Variants in SMARCA2 observed in about 807,000 individuals in gnomAD.
The protein encoded by SMARCA2 is SWI/SNF-related matrix-associated actin-dependent regulator of chromatin subfamily A member 2.
In SMARCA2, 61 loss-of-function variants were observed where a neutral mutation model predicts 199.8. That is an observed-to-expected ratio of 0.31 (90% CI 0.25 to 0.38). The LOEUF (loss-of-function observed/expected upper bound fraction) is 0.38, where lower values mean the gene tolerates loss of function less well. Ranked by LOEUF, SMARCA2 falls within the 10% of genes least tolerant of loss-of-function variation. SMARCA2 has a pLI of 1.00. For synonymous variants in SMARCA2, 935 were observed against 732.0 expected (o/e 1.28, Z -4.48); for missense variants, 1,344 against 2,012.2 (o/e 0.67, Z 6.35).
Position 2,170,450 on chromosome 9 carries a change from C to T in SMARCA2, c.4231C>T (p.Gln1411Ter), listed in dbSNP as rs752254761. Reference sequence around the variant, plus strand: ...CGTGGAGAAGGTGCCCAGTAATTCTCAGTTGGAAATAGAAGGAAACAGGTC... The same window carrying T: ...CGTGGAGAAGGTGCCCAGTAATTCTTAGTTGGAAATAGAAGGAAACAGGTC... ...CNVEKVPSNS[Q>*]LEIEGNSSGR... The change falls in exon 29 of 34, where the codon CAG (glutamine) becomes TAG (stop). Residue 1411 changes from glutamine to a stop codon, truncating the protein, a stop_gained. Transcript: ENST00000349721. LOFTEE classifies it high-confidence loss of function. This position sits in a 1 kb window ranked among gnomAD's most constrained non-coding sequence, Gnocchi z 4.7. The T allele has an allele frequency of 3.1e-6, 5 of 1,614,086 alleles. No individual in the cohort carries two copies. Among genetic ancestry groups the T allele is most frequent in the African/African-American group, 1.3e-5 (1 of 75,016 alleles).
intron 1 of SMARCA2, among the ~76,000 whole-genome samples, chr9:2,018,387 G>A (rs557694438): frequency 2.0e-5 from 3 of 152,176 alleles, no homozygotes; most frequent in African/African-American, 7.2e-5. Flanking sequence ...CCTGATGGAG[G>A]TTGGTGCTTT....
At chr9:2,081,787 C>G in intron 14 of SMARCA2, 45 bp from the exon 15 acceptor site, 1 of 1,575,018 alleles carries the variant, frequency 6.3e-7, no homozygotes, top group South Asian at 1.1e-5. Context: ...GGATTAATTA[C>G]CTGTGCAGAT....
intron 8 of SMARCA2, among the ~76,000 whole-genome samples, chr9:2,059,728 C>A (rs1820503043): frequency 6.6e-6 from 1 of 152,150 alleles, no homozygotes; most frequent in Admixed American, 6.5e-5. Context: ...TGCTCATCCA[C>A]AGGGCAGACG....
In SMARCA2 at chr9:2,110,105, T is replaced by C. The variant is rs981365585; in HGVS notation, c.3293-149T>C. 3 of 468,506 alleles carry C rather than the reference T, an allele frequency of 6.4e-6. No homozygotes were observed. Among genetic ancestry groups the C allele is most frequent in the African/African-American group, 2.0e-5 (1 of 50,074 alleles). The allele number at this position is 468,506 out of a possible 1,614,324, so 29.0% of individuals were successfully genotyped here. On this transcript the variant is annotated intron_variant, in intron 23 of 33. Coordinates refer to ENST00000349721, the MANE Select transcript of SMARCA2 (RefSeq NM_003070.5). The surrounding 1 kb of genome is among the most constrained non-coding windows in gnomAD (Gnocchi z 4.8). ...TAATTGCAAAATGTTCAAAGTTTTT[T>C]ATCCAGAAGTACAAAGCCCTGGAAA...
chr9:2,038,474 A>G (rs1340758921), intron 3 of SMARCA2, among the ~76,000 whole-genome samples: 1 of 152,124 alleles, frequency 6.6e-6, no homozygotes, highest in Non-Finnish European at 1.5e-5. Context: ...GTCCCTGGAG[A>G]ATAATAATCT....
intron 19 of SMARCA2, among the ~76,000 whole-genome samples, chr9:2,095,526 T>G (rs894835653): frequency 9.2e-5 from 14 of 152,212 alleles, no homozygotes; most frequent in African/African-American, 3.1e-4. Context: ...GCCAAGAAGG[T>G]CATTAAAGAC....
intron 29 of SMARCA2, among the ~76,000 whole-genome samples, chr9:2,177,906 A>C (rs1205664398): frequency 1.3e-5 from 2 of 152,234 alleles, no homozygotes; most frequent in Non-Finnish European, 2.9e-5. Flanking sequence ...TAAGCTTAAA[A>C]TATAATCAAA....
intron 13 of SMARCA2, among the ~76,000 whole-genome samples, chr9:2,077,029 C>A (rs913324193): frequency 6.6e-6 from 1 of 152,090 alleles, no homozygotes; most frequent in African/African-American, 2.4e-5. Context: ...CTTTAGGGAC[C>A]CTTCCTCCTA....
At position 2,076,456 on chromosome 9, in the gene SMARCA2, C is replaced by G. The variant is rs185317123; in HGVS notation, c.2036+127C>G. 7.8e-6 allele frequency: 5 copies of G among 640,526 alleles called. No individual in the cohort carries two copies. In the East Asian group the frequency reaches 8.2e-5, roughly 11 times the overall value. The allele number at this position is 640,526 out of a possible 1,614,324, so 39.7% of individuals were successfully genotyped here. Reference sequence around the variant, plus strand: ...CCTACACTCTGCTTGAAACTGTGCTCCTAGAGGTCACCACTGAGTTCTGGG... The same window carrying G: ...CCTACACTCTGCTTGAAACTGTGCTGCTAGAGGTCACCACTGAGTTCTGGG... On this transcript the variant is annotated intron_variant, in intron 13 of 33. Coordinates refer to ENST00000349721, the MANE Select transcript of SMARCA2 (RefSeq NM_003070.5).
chr9:2,084,299 C>G, intron 17 of SMARCA2, 103 bp downstream of exon 17: 3 of 607,790 alleles, frequency 4.9e-6, no homozygotes, highest in East Asian at 2.9e-5. Flanking sequence ...GATGGCTTGT[C>G]CTTTTCTTTA....
intron 29 of SMARCA2, among the ~76,000 whole-genome samples, chr9:2,176,726 T>TG (rs1826632435): frequency 1.2e-5 from 1 of 81,722 alleles, no homozygotes; most frequent in Non-Finnish European, 2.5e-5. Context: ...CTAAGTTTTG[T>TG]ATTTTTTTTT....
intron 29 of SMARCA2, among the ~76,000 whole-genome samples, chr9:2,177,664 T>C (rs1826706440): frequency 6.6e-6 from 1 of 152,136 alleles, no homozygotes; most frequent in African/African-American, 2.4e-5. Flanking sequence ...GCAATTCTCC[T>C]GCCTCAGCCT....
chr9:2,108,149 G>C (rs1467534456), intron 23 of SMARCA2, among the ~76,000 whole-genome samples: 1 of 152,186 alleles, frequency 6.6e-6, no homozygotes, highest in African/African-American at 2.4e-5. Flanking sequence ...ACATCAAAAG[G>C]CCATCTCTTG....
chr9:2,017,373 G>C lies in SMARCA2; in HGVS notation c.-37+1969G>C, dbSNP rs1418090927. 2 of 152,478 alleles carry C rather than the reference G, an allele frequency of 1.3e-5. No individual in the cohort carries two copies. The highest frequency in any genetic ancestry group is 4.8e-5 in the African/African-American group (2 of 41,454). 9.4% of individuals were successfully genotyped at this position (152,478 alleles called of 1,614,324 possible). A position where few individuals can be genotyped will look rare whatever the true frequency, so the allele number is the denominator to read the frequency against. On this transcript the variant is annotated intron_variant, in intron 1 of 33. Transcript: ENST00000349721. The surrounding 1 kb of genome is among the most constrained non-coding windows in gnomAD (Gnocchi z 8.8). ...GCCTCCGCGCCCTCCCGGCCGGCGC[G>C]AGTGTGTCTGCGCGTGAGTGTGAGT...
intron 16 of SMARCA2, among the ~76,000 whole-genome samples, chr9:2,083,774 G>C (rs1821672747): frequency 1.3e-5 from 2 of 152,252 alleles, no homozygotes; most frequent in African/African-American, 4.8e-5. Flanking sequence ...GCTGCCTGCT[G>C]TACTTTCTCA....
At chr9:2,038,361 C>T (rs1393415113) in intron 3 of SMARCA2, among the ~76,000 whole-genome samples, 2 of 152,096 alleles carry the variant, frequency 1.3e-5, no homozygotes, top group African/African-American at 4.8e-5. Context: ...CTTGATTCCC[C>T]TTACCATTTC....
intron 10 of SMARCA2, among the ~76,000 whole-genome samples, chr9:2,072,933 C>G (rs1247377633): frequency 6.6e-6 from 1 of 152,182 alleles, no homozygotes; most frequent in African/African-American, 2.4e-5. Flanking sequence ...GTTTCCACAC[C>G]CTTGCACTTC....
At position 2,191,316 on chromosome 9, in the gene SMARCA2, C is replaced by T. The variant is rs139124915; in HGVS notation, c.4645C>T (p.Arg1549Trp). 14 of 1,613,858 alleles carry T rather than the reference C, an allele frequency of 8.7e-6. No individual in the cohort carries two copies. Among genetic ancestry groups the T allele is most frequent in the Admixed American group, 3.3e-5 (2 of 60,012 alleles). Residue 1549 changes from arginine (R) to tryptophan (W), a missense_variant, in exon 33 of 34, where the codon CGG becomes TGG. Coordinates refer to ENST00000349721, the MANE Select transcript of SMARCA2 (RefSeq NM_003070.5). ...IKLNKKDDKG[R>W]DKGKGKKRPN... ...GCTCAATAAAAAAGATGACAAAGGC[C>T]GGGACAAAGGGAAAGGCAAGAAAAG... is the stretch of plus-strand genomic sequence containing the variant.
chr9:2,160,654 G>T (rs539360223), intron 27 of SMARCA2: 4 of 698,794 alleles, frequency 5.7e-6, no homozygotes, highest in African/African-American at 5.2e-5. Flanking sequence ...TTTCAGCTAC[G>T]AGAAAGGATT....
Sources: gnomAD v4.1 joint callset for allele counts (sites outside exome capture counted in the v4.1 genomes callset) on GRCh38, gnomAD v4.1.1 for gene constraint, Gnocchi (gnomAD v3.1) non-coding constraint, MANE v1.5 for transcripts, NCBI Gene and HGNC (gene_info 2026-07-23, HGNC 2026-07-21) for gene names.